The following YIPF4 variants were observed in gnomAD, a reference collection of about 807,000 sequenced individuals.
The protein encoded by YIPF4 is protein YIPF4.
In YIPF4, 18 loss-of-function variants were observed where a neutral mutation model predicts 29.4. The observed-to-expected ratio is 0.61, with a 90% CI of 0.42 to 0.91. The LOEUF (loss-of-function observed/expected upper bound fraction) is 0.91, where lower values mean the gene tolerates loss of function less well. Ranked by LOEUF, YIPF4 falls within the 40% of genes least tolerant of loss-of-function variation. YIPF4 has a pLI of 0.00. For synonymous variants in YIPF4, 115 were observed against 104.7 expected, an observed-to-expected ratio of 1.10 and a Z score of -0.60; for missense variants, 279 against 282.7, an observed-to-expected ratio of 0.99 and a Z score of 0.09.
chr2:32,282,716 G>A (rs577470015), intron 1 of YIPF4, among the ~76,000 whole-genome samples: 1 of 152,182 alleles, frequency 6.6e-6, no homozygotes, highest in South Asian at 2.1e-4. Context: ...ACAGGTGTGA[G>A]CCACTGTGCC....
intron 4 of YIPF4, 51 bp from the exon 5 acceptor site, chr2:32,301,331 A>C (rs2031396735): frequency 3.4e-6 from 4 of 1,173,628 alleles, no homozygotes; most frequent in African/African-American, 3.0e-5. Context: ...TTTGATTAAA[A>C]TGAGTATCTT....
chr2:32,278,941 C>G (rs2030244615), intron 1 of YIPF4, among the ~76,000 whole-genome samples: 2 of 152,056 alleles, frequency 1.3e-5, no homozygotes, highest in East Asian at 3.8e-4. Flanking sequence ...GTTCCCTATC[C>G]AACTCATAAC....
chr2:32,288,430 G>A (rs2030772470), intron 1 of YIPF4, among the ~76,000 whole-genome samples: 1 of 152,024 alleles, frequency 6.6e-6, no homozygotes, highest in Admixed American at 6.6e-5. Context: ...AGTTGTTAAG[G>A]TCCTTTCCAG....
intron 2 of YIPF4, 93 bp downstream of exon 2, chr2:32,290,729 CT>C: frequency 6.7e-6 from 6 of 894,296 alleles, no homozygotes; most frequent in Non-Finnish European, 8.9e-6. Flanking sequence ...AAGCATTAAC[CT>C]TTTTTGGTCA....
Position 32,282,434 on chromosome 2 carries a change from T to C in YIPF4, c.79+4200T>C, listed in dbSNP as rs371776937. Among the ~76,000 whole-genome samples, 3 of 152,312 alleles carry C rather than the reference T, an allele frequency of 2.0e-5. No homozygotes were observed. The East Asian group carries it at 5.8e-4, about 29-fold the overall frequency. On this transcript the variant is annotated intron_variant, in intron 1 of 5. Coordinates refer to ENST00000238831, the MANE Select transcript of YIPF4 (RefSeq NM_032312.4). Reference sequence around the variant, plus strand: ...TCTTGGGCAAGCTACTTACCTTTTTTGTTTTGTTTTGTTTTTGAGACGGAG... The same window carrying C: ...TCTTGGGCAAGCTACTTACCTTTTTCGTTTTGTTTTGTTTTTGAGACGGAG...
intron 5 of YIPF4, among the ~76,000 whole-genome samples, chr2:32,304,706 A>G (rs987212669): frequency 6.6e-6 from 1 of 152,194 alleles, no homozygotes; most frequent in Non-Finnish European, 1.5e-5. Context: ...AAGGTTTAGA[A>G]ACTCTGCCTT....
intron 1 of YIPF4, among the ~76,000 whole-genome samples, chr2:32,285,645 T>G (rs964146362): frequency 6.6e-6 from 1 of 151,974 alleles, no homozygotes; most frequent in African/African-American, 2.4e-5. Context: ...CAGAGGAATC[T>G]TTAGTTTTTC....
Position 32,307,161 on chromosome 2 carries a change from G to A in YIPF4, c.*1535G>A. ...AGTTAGAATAATATGAAGTAATCAG[G>A]AAATATCTATGCCTACAGAAGCAGC... On this transcript the variant is annotated 3_prime_UTR_variant, in exon 6 of 6. Coordinates refer to ENST00000238831, the MANE Select transcript of YIPF4 (RefSeq NM_032312.4). 1 of 1,293,596 alleles carries A rather than the reference G, an allele frequency of 7.7e-7. No individual in the cohort carries two copies. The highest frequency in any genetic ancestry group is 1.3e-5 in the South Asian group (1 of 78,688). The allele number at this position is 1,293,596 out of a possible 1,614,324, so 80.1% of individuals were successfully genotyped here.
In YIPF4 at chr2:32,315,089, T is replaced by G. The variant is rs1392485526; in HGVS notation, c.*9463T>G. 1 of 152,246 alleles carries G rather than the reference T, an allele frequency of 6.6e-6. No individual in the cohort carries two copies. Among genetic ancestry groups the G allele is most frequent in the Non-Finnish European group, 1.5e-5 (1 of 68,048 alleles). The allele number at this position is 152,246 out of a possible 1,614,324, so 9.4% of individuals were successfully genotyped here. A position where few individuals can be genotyped will look rare whatever the true frequency, so the allele number is the denominator to read the frequency against. ...TGTTATTAAGAACTCAAGGTCCATT[T>G]ATTGCTCTATTCTGCCATCTTTGGT... On this transcript the variant is annotated 3_prime_UTR_variant, in exon 6 of 6. Transcript: ENST00000238831.
intron 1 of YIPF4, 122 bp from the exon 2 acceptor site, chr2:32,290,361 C>T (rs1187013296): frequency 1.0e-5 from 6 of 590,824 alleles, no homozygotes; most frequent in Non-Finnish European, 1.5e-5. Context: ...AGATTATATG[C>T]AATAGCAGAT....
In YIPF4 at chr2:32,311,002, A is replaced by G. The variant is rs776116436; in HGVS notation, c.*5376A>G. On this transcript the variant is annotated 3_prime_UTR_variant, in exon 6 of 6. Transcript: ENST00000238831. Reference sequence around the variant, plus strand: ...GTTTGAGAATCTCTTGACACTCTTCAAGTAAATCCCTAAATTACAACTTTG... The same window carrying G: ...GTTTGAGAATCTCTTGACACTCTTCGAGTAAATCCCTAAATTACAACTTTG... 8 of 152,334 alleles carry G rather than the reference A, an allele frequency of 5.3e-5. No homozygotes were observed. Among genetic ancestry groups the G allele is most frequent in the Non-Finnish European group, 8.8e-5 (6 of 68,034 alleles). 9.4% of individuals were successfully genotyped at this position (152,334 alleles called of 1,614,324 possible).
chr2:32,302,812 C>G (rs1257794882), intron 5 of YIPF4, among the ~76,000 whole-genome samples: 1 of 152,058 alleles, frequency 6.6e-6, no homozygotes, highest in Non-Finnish European at 1.5e-5. Context: ...GTAGCTGAGC[C>G]ACTTGAAATT....
intron 4 of YIPF4, 151 bp from the exon 5 acceptor site, chr2:32,301,231 G>C (rs1160558277): frequency 7.1e-6 from 4 of 566,822 alleles, no homozygotes; most frequent in African/African-American, 5.7e-5. Context: ...GAGACTATAT[G>C]ATATTTTGAA....
rs113798334 is a variant in YIPF4, at chr2:32,277,943, G to C, written c.-213G>C. ...CCTGTCAGGGTGCCGGCGTCGTGGT[G>C]CTTGGGTGGTCGCCACCAAGAAGAC... On this transcript the variant is annotated 5_prime_UTR_variant, in exon 1 of 6. Coordinates refer to ENST00000238831, the MANE Select transcript of YIPF4 (RefSeq NM_032312.4). 9.4e-6 allele frequency: 5 copies of C among 533,344 alleles called. No homozygotes were observed. The highest frequency in any genetic ancestry group is 1.3e-5 in the Non-Finnish European group (4 of 304,156). 33.0% of individuals were successfully genotyped at this position (533,344 alleles called of 1,614,324 possible).
chr2:32,283,739 C>G (rs1414969820), intron 1 of YIPF4, among the ~76,000 whole-genome samples: 1 of 146,826 alleles, frequency 6.8e-6, no homozygotes, highest in African/African-American at 2.5e-5. Flanking sequence ...TTTTTTGAGA[C>G]AAGAGTCTCG....
At position 32,282,903 on chromosome 2, in the gene YIPF4, A is replaced by G. The variant is rs548149203; in HGVS notation, c.79+4669A>G. ...CATCCTGGCTAACAAGGTGAAACCC[A>G]GTCTCTACTAAAAATACAAAAAAAT... On this transcript the variant is annotated intron_variant, in intron 1 of 5. Coordinates refer to ENST00000238831, the MANE Select transcript of YIPF4 (RefSeq NM_032312.4). Among the ~76,000 whole-genome samples the G allele has an allele frequency of 5.9e-5, 9 of 151,896 alleles. No homozygotes were observed. The East Asian group carries it at 1.4e-3, about 23-fold the overall frequency.
In YIPF4 at chr2:32,312,302, C is replaced by G. The variant is rs892849527; in HGVS notation, c.*6676C>G. ...AGGAGATCGAGACCATCCTGGCTAA[C>G]ACGGTGAAACCCTGACTCTACTAAA... On this transcript the variant is annotated 3_prime_UTR_variant, in exon 6 of 6. Coordinates refer to ENST00000238831, the MANE Select transcript of YIPF4 (RefSeq NM_032312.4). 6.6e-6 allele frequency: 1 copy of G among 151,424 alleles called. No individual in the cohort carries two copies. Among genetic ancestry groups the G allele is most frequent in the African/African-American group, 2.4e-5 (1 of 41,162 alleles). 9.4% of individuals were successfully genotyped at this position (151,424 alleles called of 1,614,324 possible). A position where few individuals can be genotyped will look rare whatever the true frequency, so the allele number is the denominator to read the frequency against.
At chr2:32,304,538 T>C (rs2031512750) in intron 5 of YIPF4, among the ~76,000 whole-genome samples, 1 of 152,200 alleles carries the variant, frequency 6.6e-6, no homozygotes, top group Admixed American at 6.5e-5. Flanking sequence ...TGAGGTAGAT[T>C]TTGTCCCCCA....
Position 32,313,733 on chromosome 2 carries a change from T to G in YIPF4, c.*8107T>G, listed in dbSNP as rs1291345593. 2 of 150,816 alleles carry G rather than the reference T, an allele frequency of 1.3e-5. No individual in the cohort carries two copies. Among genetic ancestry groups the G allele is most frequent in the Non-Finnish European group, 2.9e-5 (2 of 67,820 alleles). The allele number at this position is 150,816 out of a possible 1,614,324, so 9.3% of individuals were successfully genotyped here. On this transcript the variant is annotated 3_prime_UTR_variant, in exon 6 of 6. Transcript: ENST00000238831. ...TTATTTTATTTTATTAGACAAAGTCTTGCTCTGTTGCCAGGCTGGAGTGCA... is the reference window on the plus strand; with the variant it reads ...TTATTTTATTTTATTAGACAAAGTCGTGCTCTGTTGCCAGGCTGGAGTGCA...
Sources: gnomAD v4.1 joint callset for allele counts (sites outside exome capture counted in the v4.1 genomes callset) on GRCh38, gnomAD v4.1.1 for gene constraint, MANE v1.5 for transcripts, NCBI Gene and HGNC (gene_info 2026-07-23, HGNC 2026-07-21) for gene names.